The following TJP3 variants were observed in gnomAD, a reference collection of about 807,000 sequenced individuals.
The protein encoded by TJP3 is tight junction protein ZO-3.
A neutral mutation model predicts 104.2 loss-of-function variants in TJP3; 85 were observed. The ratio of observed to expected loss-of-function variants is 0.82; its 90% confidence interval spans 0.68 to 0.98. TJP3 has a LOEUF of 0.98. TJP3 is among the 50% of genes least tolerant of loss of function. The pLI is 0.00. For missense variants in TJP3, 1,367 were observed against 1,322.8 expected, an observed-to-expected ratio of 1.03 and a Z score of -0.52; for synonymous variants, 550 against 550.6, an observed-to-expected ratio of 1.00 and a Z score of 0.02.
intron 1 of TJP3, among the ~76,000 whole-genome samples, chr19:3,719,752 A>G (rs895101417): frequency 6.6e-6 from 1 of 151,358 alleles, no homozygotes; most frequent in Non-Finnish European, 1.5e-5. Flanking sequence ...AAAAAAAAAA[A>G]AAGAAGGGAA....
At chr19:3,719,450 G>GTT (rs2145669258) in intron 1 of TJP3, among the ~76,000 whole-genome samples, 1 of 151,324 alleles carries the variant, frequency 6.6e-6, no homozygotes, top group African/African-American at 2.5e-5. Context: ...ATGTGTGTGT[G>GTT]TGTGGCTGGG....
intron 1 of TJP3, among the ~76,000 whole-genome samples, chr19:3,727,344 A>G (rs973029924): frequency 2.6e-5 from 4 of 151,482 alleles, no homozygotes; most frequent in African/African-American, 9.7e-5. Flanking sequence ...TTAGCTGGGC[A>G]TGGTGGCACA....
chr19:3,747,565 G>T (rs2036915820), intron 18 of TJP3, among the ~76,000 whole-genome samples: 2 of 152,198 alleles, frequency 1.3e-5, no homozygotes, highest in Non-Finnish European at 2.9e-5. Context: ...CTTCTCTTGG[G>T]GCTGGAGTCA....
At chr19:3,741,539 A>C (rs1226941952) in intron 14 of TJP3, among the ~76,000 whole-genome samples, 1 of 148,042 alleles carries the variant, frequency 6.8e-6, no homozygotes, top group East Asian at 2.0e-4. Context: ...AGGCAGGAGA[A>C]TCACTTGAAC....
At position 3,745,938 on chromosome 19, in the gene TJP3, G is replaced by A. The variant is rs2036880822; in HGVS notation, c.1940-73G>A. 5 of 1,274,760 alleles carry A rather than the reference G, an allele frequency of 3.9e-6. No homozygotes were observed. The Admixed American group carries it at 1.0e-4, about 26-fold the overall frequency. 79.0% of individuals were successfully genotyped at this position (1,274,760 alleles called of 1,614,324 possible). On this transcript the variant is annotated intron_variant, in intron 15 of 20. Coordinates refer to ENST00000541714, the MANE Select transcript of TJP3 (RefSeq NM_001267560.2). ...CATGGTGGCTTCTTGAGCAGGGGAG[G>A]GGCAGGTAGGCATGAATTTGAGGGG...
intron 19 of TJP3, among the ~76,000 whole-genome samples, chr19:3,749,399 G>A (rs1005920348): frequency 1.3e-5 from 2 of 152,126 alleles, no homozygotes; most frequent in African/African-American, 4.8e-5. Context: ...GAGTGCAGTA[G>A]TACAATCATA....
intron 14 of TJP3, among the ~76,000 whole-genome samples, chr19:3,741,602 G>A (rs1395042513): frequency 6.7e-6 from 1 of 148,346 alleles, no homozygotes; most frequent in South Asian, 2.2e-4. Flanking sequence ...ACTCCACCCT[G>A]GGCCACAGAT....
chr19:3,725,875 C>T (rs117040658), intron 1 of TJP3, among the ~76,000 whole-genome samples: 4 of 152,146 alleles, frequency 2.6e-5, no homozygotes, highest in East Asian at 1.9e-4. Context: ...GGAGAGGCCC[C>T]GCCATAGCTA....
At chr19:3,717,308 G>A (rs1446781572) in intron 1 of TJP3, among the ~76,000 whole-genome samples, 3 of 136,488 alleles carry the variant, frequency 2.2e-5, no homozygotes, top group African/African-American at 7.5e-5. Context: ...TCACCATGTT[G>A]GCCAGGCTGG....
intron 20 of TJP3, among the ~76,000 whole-genome samples, 174 bp from the exon 21 acceptor site, chr19:3,750,408 A>C (rs888910896): frequency 1.3e-5 from 2 of 152,134 alleles, no homozygotes; most frequent in Admixed American, 6.5e-5. Context: ...AGGATATTGC[A>C]GCTGGGGCTT....
chr19:3,743,907 CCT>C (rs1157521032), intron 14 of TJP3, 30 bp from the exon 15 acceptor site: 1 of 1,605,202 alleles, frequency 6.2e-7, no homozygotes, highest in Admixed American at 1.7e-5. Context: ...CAAATGGGAC[CCT>C]GATTCTTTCA....
rs563548508 is a variant in TJP3, at chr19:3,739,179, TCA to T, written c.1631+46_1631+47del. The stretch of plus-strand genomic sequence containing the variant: ...GCAGTGGGGCACTTCTGCTTCAGCC[TCA>T]GTCTCCCCGTTAGAAATGGGCTCGA... On this transcript the variant is annotated intron_variant, in intron 13 of 20. Transcript: ENST00000541714. The T allele has an allele frequency of 1.6e-3, 2,382 of 1,470,588 alleles. 3 individuals are homozygous for T. Among genetic ancestry groups the T allele is most frequent in the Non-Finnish European group, 2.0e-3 (2,258 of 1,106,238 alleles). The allele number at this position is 1,470,588 out of a possible 1,614,324, so 91.1% of individuals were successfully genotyped here.
chr19:3,742,755 C>G (rs1414977133), intron 14 of TJP3, among the ~76,000 whole-genome samples: 1 of 94,070 alleles, frequency 1.1e-5, no homozygotes, highest in Non-Finnish European at 2.2e-5. Flanking sequence ...CACCTGAGTT[C>G]GGGAGTTCGA....
At position 3,730,315 on chromosome 19, in the gene TJP3, C is replaced by G. The variant is rs1295059886; in HGVS notation, c.262-40C>G. The stretch of plus-strand genomic sequence containing the variant: ...GGGCTGAGCAGAGCCTCCCCCAGCC[C>G]TTGCCTGTAGCTGACCCTTCCTGTC... On this transcript the variant is annotated intron_variant, in intron 4 of 20. Transcript: ENST00000541714. This position sits in a 1 kb window ranked among gnomAD's most constrained non-coding sequence, Gnocchi z 7.3. 1 of 1,498,822 alleles carries G rather than the reference C, an allele frequency of 6.7e-7. No homozygotes were observed. The highest frequency in any genetic ancestry group is 8.9e-7 in the Non-Finnish European group (1 of 1,120,068). 92.8% of individuals were successfully genotyped at this position (1,498,822 alleles called of 1,614,324 possible).
chr19:3,724,300 A>G lies in TJP3; in HGVS notation c.-9-4124A>G, dbSNP rs1406173750. Among the ~76,000 whole-genome samples, 4 of 151,622 alleles carry G rather than the reference A, an allele frequency of 2.6e-5. No homozygotes were observed. In the East Asian group the frequency reaches 7.8e-4, roughly 29 times the overall value. ...AAGCTCCGCCTCCCAGGTTCACGCCATTCTCCTGCCTCAGCCTCCTGAGTA... is the reference window on the plus strand; with the variant it reads ...AAGCTCCGCCTCCCAGGTTCACGCCGTTCTCCTGCCTCAGCCTCCTGAGTA... On this transcript the variant is annotated intron_variant, in intron 1 of 20. Transcript: ENST00000541714.
At position 3,733,861 on chromosome 19, in the gene TJP3, C is replaced by G. The variant is rs1359552303; in HGVS notation, c.826C>G (p.Leu276Val). ...GGTGCTGAGAGATCGTGGGCAGTTCCTGGTGAACATTCCGCCTGCTGTCAG... is the reference window on the plus strand; with the variant it reads ...GGTGCTGAGAGATCGTGGGCAGTTCGTGGTGAACATTCCGCCTGCTGTCAG... ...LLVLRDRGQFLVNIPPAVSDS... is the reference protein window; with the variant it reads ...LLVLRDRGQFVVNIPPAVSDS... The change falls in exon 7 of 21, where the codon CTG (leucine) becomes GTG (valine). Residue 276 changes from leucine to valine, a missense_variant. Physicochemically the swap from Leu to Val is conservative, Grantham distance 32. Coordinates refer to ENST00000541714, the MANE Select transcript of TJP3 (RefSeq NM_001267560.2). The G allele has an allele frequency of 1.9e-6, 3 of 1,614,206 alleles. No individual in the cohort carries two copies. The South Asian group carries it at 3.3e-5, about 18-fold the overall frequency.
rs2036435423 is a variant in TJP3, at chr19:3,711,683, G to A, written c.-10+3122G>A. 3.0e-5 allele frequency among the ~76,000 whole-genome samples: 4 copies of A among 133,072 alleles called. No individual in the cohort carries two copies. The South Asian group carries it at 1.0e-3, about 34-fold the overall frequency. 87.3% of individuals were successfully genotyped at this position (133,072 alleles called of 152,430 possible). ...CGAGACGGGTGGATCACGAGGTCAG[G>A]AGTTCAAGACCAGCCTGGCTAACAT... On this transcript the variant is annotated intron_variant, in intron 1 of 20. Coordinates refer to ENST00000541714, the MANE Select transcript of TJP3 (RefSeq NM_001267560.2).
At chr19:3,728,365 C>T in intron 1 of TJP3, 59 bp from the exon 2 acceptor site, 1 of 1,613,466 alleles carries the variant, frequency 6.2e-7, no homozygotes, top group Non-Finnish European at 8.5e-7. Context: ...TGGGGACCCC[C>T]AAGTGCTCAG....
At position 3,742,074 on chromosome 19, in the gene TJP3, T is replaced by G. The variant is rs191645920; in HGVS notation, c.1843+1311T>G. ...TCTATTTGTGTCTCCAACAGAAATA[T>G]GGTGCAAGGCATGTAGATAGCCTTA... On this transcript the variant is annotated intron_variant, in intron 14 of 20. Transcript: ENST00000541714. Among the ~76,000 whole-genome samples the G allele has an allele frequency of 1.5e-3, 233 of 152,248 alleles. 1 individual carries two copies. Among genetic ancestry groups the G allele is most frequent in the African/African-American group, 5.1e-3 (214 of 41,558 alleles).
Sources: allele counts gnomAD v4.1 joint callset (sites outside exome capture counted in the v4.1 genomes callset), GRCh38; gene constraint gnomAD v4.1.1; non-coding constraint Gnocchi (gnomAD v3.1); transcripts MANE v1.5; gene names NCBI Gene and HGNC (gene_info 2026-07-23, HGNC 2026-07-21).